The following CEP63 variants were observed in gnomAD, a reference collection of about 807,000 sequenced individuals.
CEP63 encodes the protein centrosomal protein 63, also known as centrosomal protein of 63 kDa.
A neutral mutation model predicts 89.1 loss-of-function variants in CEP63; 84 were observed. That is an observed-to-expected ratio of 0.94 (90% CI 0.79 to 1.13). CEP63 has a LOEUF of 1.13. CEP63 is among the 50% of genes most tolerant of loss of function. CEP63 has a pLI of 0.00. For missense variants in CEP63, 838 were observed against 813.3 expected, an observed-to-expected ratio of 1.03 and a Z score of -0.37; for synonymous variants, 267 against 272.5, an observed-to-expected ratio of 0.98 and a Z score of 0.20.
chr3:134,755,581 G>A, the CEP63 span: 2 of 152,218 alleles, frequency 1.3e-5, no homozygotes, highest in East Asian at 3.8e-4. Flanking sequence ...CACACCAGAG[G>A]GCTTTCTCCA....
chr3:134,754,288 A>G, the CEP63 span, among the ~76,000 whole-genome samples: 1 of 152,170 alleles, frequency 6.6e-6, no homozygotes, highest in African/African-American at 2.4e-5. Flanking sequence ...CAACCATGAG[A>G]GCAGTGGGGC....
At position 134,558,079 on chromosome 3, in the gene CEP63, C is replaced by G. The variant is rs150667575; in HGVS notation, c.1468-63C>G. On this transcript the variant is annotated intron_variant, in intron 12 of 14. Transcript: ENST00000675561. ...AAAAAACACTGAATTTTCCAACCAG[C>G]AGTATCACAGATCACAGGTATTCTT... The G allele has an allele frequency of 2.9e-4, 401 of 1,369,980 alleles. No individual in the cohort carries two copies. The African/African-American group carries it at 5.1e-3, about 17-fold the overall frequency. 84.9% of individuals were successfully genotyped at this position (1,369,980 alleles called of 1,614,324 possible).
At chr3:134,711,187 A>ATTAC in the CEP63 span, among the ~76,000 whole-genome samples, 1 of 152,180 alleles carries the variant, frequency 6.6e-6, no homozygotes, top group East Asian at 1.9e-4. Context: ...AACTAAACAG[A>ATTAC]TTACTGTTCT....
the CEP63 span, among the ~76,000 whole-genome samples, chr3:134,638,193 T>C: frequency 6.6e-6 from 1 of 152,228 alleles, no homozygotes; most frequent in African/African-American, 2.4e-5. Context: ...CTGGACACGC[T>C]GTTTCAAGGG....
chr3:134,704,368 G>C, the CEP63 span, among the ~76,000 whole-genome samples: 1 of 152,060 alleles, frequency 6.6e-6, no homozygotes, highest in East Asian at 1.9e-4. Context: ...TCAGCACCCA[G>C]GGCCACACCT....
the CEP63 span, among the ~76,000 whole-genome samples, chr3:134,747,750 G>A: frequency 6.6e-6 from 1 of 152,174 alleles, no homozygotes; most frequent in East Asian, 1.9e-4. Flanking sequence ...TAATCTATGG[G>A]AAGTGGGAAC....
intron 14 of CEP63, among the ~76,000 whole-genome samples, 186 bp downstream of exon 14, chr3:134,559,615 T>G (rs906040122): frequency 2.3e-4 from 35 of 152,226 alleles, no homozygotes; most frequent in Admixed American, 1.9e-3. Context: ...CCAAGACTAC[T>G]TTTCAAAATG....
At chr3:134,599,865 TTCTC>T in the CEP63 span, among the ~76,000 whole-genome samples, 1 of 152,370 alleles carries the variant, frequency 6.6e-6, no homozygotes, top group African/African-American at 2.4e-5. Context: ...TTTTTCCTGT[TTCTC>T]TCCATTTCCC....
At chr3:134,782,199 AC>A in the CEP63 span, among the ~76,000 whole-genome samples, 1 of 152,200 alleles carries the variant, frequency 6.6e-6, no homozygotes, top group South Asian at 2.1e-4. Flanking sequence ...AAATTAGACA[AC>A]TTTTTCAATC....
chr3:134,650,186 A>T, the CEP63 span, among the ~76,000 whole-genome samples: 3 of 152,164 alleles, frequency 2.0e-5, no homozygotes, highest in African/African-American at 7.2e-5. Context: ...ACAACTTACA[A>T]ATTTACCCAG....
downstream of CEP63, among the ~76,000 whole-genome samples, chr3:134,575,344 A>C (rs1249764487): frequency 9.2e-5 from 7 of 75,700 alleles, no homozygotes; most frequent in Admixed American, 2.9e-4. Flanking sequence ...ACAGGGTCTC[A>C]CTCTATGGCC....
At chr3:134,664,201 T>C in the CEP63 span, among the ~76,000 whole-genome samples, 25 of 152,290 alleles carry the variant, frequency 1.6e-4, no homozygotes, top group East Asian at 4.8e-3. Flanking sequence ...TTTATTTTCA[T>C]CCTAAAAAGG....
the CEP63 span, among the ~76,000 whole-genome samples, chr3:134,711,604 A>G: frequency 1.3e-5 from 2 of 152,190 alleles, no homozygotes; most frequent in South Asian, 4.1e-4. Context: ...AAATGTCTTT[A>G]TTGGTAACTG....
intron 12 of CEP63, chr3:134,553,193 C>T (rs1233523541): frequency 6.6e-6 from 1 of 152,062 alleles, no homozygotes; most frequent in Non-Finnish European, 1.5e-5. Flanking sequence ...TCTAATTTCA[C>T]AATCCAGGAT....
chr3:134,740,624 C>T, the CEP63 span, among the ~76,000 whole-genome samples: 8 of 152,232 alleles, frequency 5.3e-5, no homozygotes, highest in East Asian at 9.7e-4. Flanking sequence ...GTCCTACATC[C>T]GACCTTGGAT....
chr3:134,600,372 C>A, the CEP63 span, among the ~76,000 whole-genome samples: 1 of 152,212 alleles, frequency 6.6e-6, no homozygotes, highest in African/African-American at 2.4e-5. Flanking sequence ...GGAAATAGTT[C>A]TTTATGTCTA....
At chr3:134,651,233 C>T in the CEP63 span, 4 of 1,259,340 alleles carry the variant, frequency 3.2e-6, no homozygotes, top group Admixed American at 1.0e-4. Context: ...GCACCGGGGC[C>T]ATAGTCAGCA....
chr3:134,701,998 T>C, the CEP63 span, among the ~76,000 whole-genome samples: 3 of 152,172 alleles, frequency 2.0e-5, no homozygotes, highest in Non-Finnish European at 4.4e-5. Context: ...GGAAAGATGT[T>C]ATTGGGAAAT....
chr3:134,599,672 A>G, the CEP63 span, among the ~76,000 whole-genome samples: 3 of 152,224 alleles, frequency 2.0e-5, no homozygotes, highest in African/African-American at 7.2e-5. Flanking sequence ...AGATTCAATG[A>G]AAGAAACAGT....
Sources: allele counts gnomAD v4.1 joint callset (sites outside exome capture counted in the v4.1 genomes callset), GRCh38; gene constraint gnomAD v4.1.1; transcripts MANE v1.5; gene names NCBI Gene and HGNC (gene_info 2026-07-23, HGNC 2026-07-21).